Variants in ROBO1 observed in about 807,000 individuals in gnomAD.
ROBO1 encodes the protein roundabout guidance receptor 1, also known as roundabout homolog 1.
In ROBO1, 149 loss-of-function variants were observed where a neutral mutation model predicts 195.9. The ratio of observed to expected loss-of-function variants is 0.76; its 90% CI spans 0.67 to 0.87. The LOEUF (loss-of-function observed/expected upper bound fraction) is 0.87. ROBO1 is among the 40% of genes least tolerant of loss of function. The probability of loss-of-function intolerance (pLI) is 0.00; values close to 1 mark genes in which losing one functional copy is unlikely to be tolerated. For missense variants in ROBO1, 1,933 were observed against 2,068.3 expected (o/e 0.93, Z 1.27); for synonymous variants, 816 against 733.2 (o/e 1.11, Z -1.82).
At chr3:79,327,222 CTA>C (rs1334347003) in intron 2 of ROBO1, among the ~76,000 whole-genome samples, 6 of 151,772 alleles carry the variant, frequency 4.0e-5, no homozygotes, top group African/African-American at 7.3e-5. Flanking sequence ...AAGAAAAATA[CTA>C]TGAGTAGGAT....
At chr3:79,627,976 A>C (rs1188723243) in intron 1 of ROBO1, among the ~76,000 whole-genome samples, 1 of 152,116 alleles carries the variant, frequency 6.6e-6, no homozygotes, top group Non-Finnish European at 1.5e-5. Flanking sequence ...TCAAAATGTC[A>C]GGAAACAATA....
chr3:78,942,532 G>C (rs751586701), intron 3 of ROBO1, among the ~76,000 whole-genome samples: 4 of 152,090 alleles, frequency 2.6e-5, no homozygotes, highest in Non-Finnish European at 5.9e-5. Flanking sequence ...TGAAGGCAGG[G>C]AATAAGAGAG....
At chr3:79,135,019 C>T (rs1231920532) in intron 2 of ROBO1, among the ~76,000 whole-genome samples, 1 of 147,448 alleles carries the variant, frequency 6.8e-6, no homozygotes, top group South Asian at 2.2e-4. Flanking sequence ...GCACATGTAC[C>T]CTAAAACTTA....
intron 1 of ROBO1, among the ~76,000 whole-genome samples, chr3:79,678,293 C>CTA (rs151162183): frequency 0.016 from 2,379 of 149,972 alleles, 30 homozygotes; most frequent in Middle Eastern, 0.041. Context: ...ATATAAATCA[C>CTA]TATATATATA....
chr3:79,531,136 C>T (rs1389368200), intron 2 of ROBO1, among the ~76,000 whole-genome samples: 2 of 152,034 alleles, frequency 1.3e-5, no homozygotes, highest in Admixed American at 6.6e-5. Flanking sequence ...CACTTGCCTC[C>T]GTAGTATGTA....
chr3:79,204,229 T>A (rs533167144), intron 2 of ROBO1, among the ~76,000 whole-genome samples: 11 of 152,282 alleles, frequency 7.2e-5, no homozygotes, highest in African/African-American at 2.6e-4. Flanking sequence ...ACATTACAAT[T>A]TTTCTCTTAC....
At chr3:78,980,346 T>G (rs1399948595) in intron 3 of ROBO1, among the ~76,000 whole-genome samples, 5 of 152,146 alleles carry the variant, frequency 3.3e-5, no homozygotes, top group African/African-American at 1.2e-4. Flanking sequence ...CATACAAACT[T>G]TCATCTGTGT....
chr3:79,619,693 T>C (rs1944942765), intron 1 of ROBO1, among the ~76,000 whole-genome samples: 1 of 152,152 alleles, frequency 6.6e-6, no homozygotes, highest in Non-Finnish European at 1.5e-5. Context: ...TCAGTTAGCA[T>C]TTAGGCTCTT....
intron 1 of ROBO1, among the ~76,000 whole-genome samples, chr3:79,713,629 T>G (rs1392857011): frequency 6.6e-6 from 1 of 152,162 alleles, no homozygotes; most frequent in Non-Finnish European, 1.5e-5. Context: ...TGGCTTTTGT[T>G]GCCGTTGCTT....
intron 2 of ROBO1, among the ~76,000 whole-genome samples, chr3:79,314,448 G>A (rs1576962684): frequency 1.3e-5 from 2 of 152,070 alleles, no homozygotes; most frequent in East Asian, 3.9e-4. Context: ...TCCCCTTTCT[G>A]CTCAGCACTT....
At chr3:79,761,071 T>C (rs1704673891) in intron 1 of ROBO1, among the ~76,000 whole-genome samples, 1 of 148,306 alleles carries the variant, frequency 6.7e-6, no homozygotes, top group Non-Finnish European at 1.5e-5. Context: ...ATGCACTATA[T>C]TATATATGAA....
intron 28 of ROBO1, 87 bp downstream of exon 28, chr3:78,614,561 A>G (rs530785599): frequency 7.3e-7 from 1 of 1,370,300 alleles, no homozygotes; most frequent in African/African-American, 1.4e-5. Context: ...GTAATTTCTA[A>G]CGTCAGTGAA....
At chr3:78,900,958 C>T (rs1378811812) in intron 4 of ROBO1, among the ~76,000 whole-genome samples, 1 of 152,068 alleles carries the variant, frequency 6.6e-6, no homozygotes, top group Non-Finnish European at 1.5e-5. Context: ...TTCATCTCAT[C>T]TGTCTCTTTC....
chr3:79,174,346 C>T (rs528199426), intron 2 of ROBO1, among the ~76,000 whole-genome samples: 1 of 151,608 alleles, frequency 6.6e-6, no homozygotes, highest in Non-Finnish European at 1.5e-5. Context: ...CGCAAAGGTC[C>T]GCAGCTTTAC....
At chr3:79,571,066 G>T (rs1560003045) in intron 2 of ROBO1, among the ~76,000 whole-genome samples, 1 of 152,198 alleles carries the variant, frequency 6.6e-6, no homozygotes, top group Admixed American at 6.5e-5. Context: ...TGTTATGCCT[G>T]CAGAGCTGGG....
chr3:79,567,719 G>C (rs1943136264), intron 2 of ROBO1, among the ~76,000 whole-genome samples: 1 of 151,754 alleles, frequency 6.6e-6, no homozygotes, highest in African/African-American at 2.4e-5. Flanking sequence ...ACTTTTAACT[G>C]GTATTGTTTC....
At chr3:79,407,054 G>A (rs1433873192) in intron 2 of ROBO1, among the ~76,000 whole-genome samples, 1 of 152,066 alleles carries the variant, frequency 6.6e-6, no homozygotes, top group Non-Finnish European at 1.5e-5. Context: ...AAGTAGCAGG[G>A]ATTACAGGCA....
intron 1 of ROBO1, among the ~76,000 whole-genome samples, chr3:79,660,331 A>C (rs147533375): frequency 2.0e-4 from 30 of 152,126 alleles, no homozygotes; most frequent in South Asian, 8.3e-4. Context: ...CCATATTCTC[A>C]GAAGTAGTGT....
chr3:79,627,079 T>C (rs1243399422), intron 1 of ROBO1, among the ~76,000 whole-genome samples: 1 of 152,102 alleles, frequency 6.6e-6, no homozygotes, highest in Non-Finnish European at 1.5e-5. Context: ...CTGCCCAAAG[T>C]CACTTATAGA....
Sources: gnomAD v4.1 joint callset for allele counts (sites outside exome capture counted in the v4.1 genomes callset) on GRCh38, gnomAD v4.1.1 for gene constraint, MANE v1.5 for transcripts, NCBI Gene and HGNC (gene_info 2026-07-23, HGNC 2026-07-21) for gene names.